Variants in PDGFRB observed in about 807,000 individuals in gnomAD.
The protein encoded by PDGFRB is platelet derived growth factor receptor beta, also known as platelet-derived growth factor receptor beta.
In PDGFRB, 42 loss-of-function variants were observed where a neutral mutation model predicts 120.2. The ratio of observed to expected loss-of-function variants is 0.35; its 90% CI spans 0.27 to 0.45. The LOEUF is 0.45. Ranked by LOEUF, PDGFRB falls within the 20% of genes least tolerant of loss-of-function variation. The probability of loss-of-function intolerance (pLI) is 1.00; values close to 1 mark genes in which losing one functional copy is unlikely to be tolerated. For missense variants in PDGFRB, 1,149 were observed against 1,476.3 expected, an observed-to-expected ratio of 0.78 and a Z score of 3.63; for synonymous variants, 586 against 606.8, an observed-to-expected ratio of 0.97 and a Z score of 0.50.
chr5:150,140,907 C>T (rs1760766473), intron 1 of PDGFRB, among the ~76,000 whole-genome samples: 1 of 152,154 alleles, frequency 6.6e-6, no homozygotes, highest in Non-Finnish European at 1.5e-5. Context: ...TAAATAAATC[C>T]AGCCCATCTT....
chr5:150,125,562 T>C lies in PDGFRB; in HGVS notation c.1690A>G (p.Ile564Val). The C allele has an allele frequency of 1.2e-6, 2 of 1,613,834 alleles. No individual in the cohort carries two copies. The highest frequency in any genetic ancestry group is 1.7e-6 in the Non-Finnish European group (2 of 1,179,858). Residue 564 changes from isoleucine to valine, a missense_variant, in exon 12 of 23, where the codon ATC becomes GTC. By Grantham distance (29) the Ile-to-Val change is conservative. Around this residue, in one of 3 missense-constraint regions of PDGFRB, gnomAD observed 879 missense variants for 1,108.6 expected, o/e 0.79. Coordinates refer to ENST00000261799, the MANE Select transcript of PDGFRB (RefSeq NM_002609.4). ...ACAGACTCAATCACCTTCCATCGGA[T>C]CTCGTAACGTGGCTTCTGGAGGACC... ...MLWQKKPRYEIRWKVIESVSS... is the reference protein window; with the variant it reads ...MLWQKKPRYEVRWKVIESVSS...
In PDGFRB at chr5:150,114,489, C is replaced by T. The variant is rs1005503616; in HGVS notation, c.*1274G>A. 31 of 233,378 alleles carry T rather than the reference C, an allele frequency of 1.3e-4. No individual in the cohort carries two copies. In the East Asian group the frequency reaches 1.6e-3, roughly 12 times the overall value. The allele number at this position is 233,378 out of a possible 1,614,324, so 14.5% of individuals were successfully genotyped here. ...TGCCCAGGATACCCCCGGAGGTCATCGTGGGTAGTGAAAGAGGTCCCGTGG... is the reference window on the plus strand; with the variant it reads ...TGCCCAGGATACCCCCGGAGGTCATTGTGGGTAGTGAAAGAGGTCCCGTGG... On this transcript the variant is annotated 3_prime_UTR_variant, in exon 23 of 23. Coordinates refer to ENST00000261799, the MANE Select transcript of PDGFRB (RefSeq NM_002609.4).
At chr5:150,146,106 C>T (rs1158035757) in intron 1 of PDGFRB, among the ~76,000 whole-genome samples, 2 of 152,168 alleles carry the variant, frequency 1.3e-5, no homozygotes, top group African/African-American at 4.8e-5. Context: ...CATGACAGGG[C>T]TCTCACCACC....
At chr5:150,134,712 T>G in intron 4 of PDGFRB, 38 bp downstream of exon 4, 1 of 1,572,750 alleles carries the variant, frequency 6.4e-7, no homozygotes, top group Non-Finnish European at 8.6e-7. Flanking sequence ...AGGGTTATAC[T>G]TGCCTCTGCT....
At chr5:150,137,138 G>T in intron 1 of PDGFRB, 85 bp from the exon 2 acceptor site, 1 of 1,193,354 alleles carries the variant, frequency 8.4e-7, no homozygotes, top group Non-Finnish European at 1.2e-6. Context: ...TGCAGAATGA[G>T]CCCCAGCTTG....
chr5:150,130,814 C>T (rs1760444820), intron 8 of PDGFRB, 152 bp from the exon 9 acceptor site: 1 of 700,492 alleles, frequency 1.4e-6, no homozygotes. Context: ...AGTGTGAAAA[C>T]CGATGGGTTC....
chr5:150,132,166 G>A lies in PDGFRB; in HGVS notation c.1128-72C>T, dbSNP rs549157721. 7.3e-5 allele frequency: 60 copies of A among 819,320 alleles called. 3 individuals are homozygous for A. The African/African-American group carries it at 9.5e-4, about 13-fold the overall frequency. 50.8% of individuals were successfully genotyped at this position (819,320 alleles called of 1,614,324 possible). A position where few individuals can be genotyped will look rare whatever the true frequency, so the allele number is the denominator to read the frequency against. On this transcript the variant is annotated intron_variant, in intron 7 of 22. Transcript: ENST00000261799. This position sits in a 1 kb window ranked among gnomAD's most constrained non-coding sequence, Gnocchi z 5.0. The stretch of plus-strand genomic sequence containing the variant: ...GTTCTCCCCACCCTCCTGGTATAAA[G>A]AGGAACAAGGCCCAGGGAGGGGAAG...
chr5:150,137,040 A>G lies in PDGFRB; in HGVS notation c.8T>C (p.Leu3Pro), dbSNP rs2113914893. The G allele has an allele frequency of 1.2e-6, 2 of 1,613,700 alleles. No homozygotes were observed. Among genetic ancestry groups the G allele is most frequent in the Non-Finnish European group, 1.7e-6 (2 of 1,179,744 alleles). MR[L>P]PGAMPALALK... Reference sequence around the variant, plus strand: ...GGCCAGAGCTGGCATCGCACCCGGAAGCCGCATGGTGTCCTGCAGAGTTAA... The same window carrying G: ...GGCCAGAGCTGGCATCGCACCCGGAGGCCGCATGGTGTCCTGCAGAGTTAA... Residue 3 changes from leucine (L) to proline (P), a missense_variant, in exon 2 of 23, where the codon CTT becomes CCT. This residue lies in a region of PDGFRB where 879 missense variants were observed against 1,108.6 expected (regional missense o/e 0.79). Coordinates refer to ENST00000261799, the MANE Select transcript of PDGFRB (RefSeq NM_002609.4).
At chr5:150,131,824 C>T (rs927499458) in intron 8 of PDGFRB, among the ~76,000 whole-genome samples, 155 bp downstream of exon 8, 1 of 152,216 alleles carries the variant, frequency 6.6e-6, no homozygotes, top group African/African-American at 2.4e-5. Context: ...AGGCCAGGTT[C>T]ACACGGCAGT....
chr5:150,122,045 G>A lies in PDGFRB; in HGVS notation c.2184-5C>T. On this transcript the variant is annotated splice_region_variant and splice_polypyrimidine_tract_variant and intron_variant, in intron 15 of 22. Coordinates refer to ENST00000261799, the MANE Select transcript of PDGFRB (RefSeq NM_002609.4). ...TCCCCGGTCAAGGACACATGGCTGGGGGTAAAGGAGCATCACAGGAGAGCC... is the reference window on the plus strand; with the variant it reads ...TCCCCGGTCAAGGACACATGGCTGGAGGTAAAGGAGCATCACAGGAGAGCC... The A allele has an allele frequency of 2.5e-6, 4 of 1,612,404 alleles. No individual in the cohort carries two copies. In the South Asian group the frequency reaches 3.3e-5, roughly 13 times the overall value.
chr5:150,124,608 G>T, intron 13 of PDGFRB, 119 bp downstream of exon 13: 1 of 629,950 alleles, frequency 1.6e-6, no homozygotes. Flanking sequence ...CTGCTGCAGT[G>T]TGATGGCCCC....
At position 150,115,689 on chromosome 5, in the gene PDGFRB, G is replaced by A. The variant is rs1759904868; in HGVS notation, c.*74C>T. Reference sequence around the variant, plus strand: ...GGCAGCCTGGCTGACAGGAAGCCCGGTCAGGCCAGGCCAGGAGATGCTGGG... The same window carrying A: ...GGCAGCCTGGCTGACAGGAAGCCCGATCAGGCCAGGCCAGGAGATGCTGGG... On this transcript the variant is annotated 3_prime_UTR_variant, in exon 23 of 23. Coordinates refer to ENST00000261799, the MANE Select transcript of PDGFRB (RefSeq NM_002609.4). 1 of 1,401,884 alleles carries A rather than the reference G, an allele frequency of 7.1e-7. No homozygotes were observed. The highest frequency in any genetic ancestry group is 9.5e-7 in the Non-Finnish European group (1 of 1,049,248). 86.8% of individuals were successfully genotyped at this position (1,401,884 alleles called of 1,614,324 possible).
At chr5:150,131,597 T>C (rs927352793) in intron 8 of PDGFRB, among the ~76,000 whole-genome samples, 4 of 152,164 alleles carry the variant, frequency 2.6e-5, no homozygotes, top group Non-Finnish European at 5.9e-5. Flanking sequence ...TTCCCCTACT[T>C]GGATGCAAGC....
At chr5:150,122,680 G>A (rs1018194880) in intron 15 of PDGFRB, among the ~76,000 whole-genome samples, 5 of 152,250 alleles carry the variant, frequency 3.3e-5, no homozygotes, top group African/African-American at 1.2e-4. Flanking sequence ...GGAGGCTGAT[G>A]TGTAGAGGCT....
chr5:150,155,676 C>T lies in PDGFRB; in HGVS notation c.-286G>A, dbSNP rs1012429629. On this transcript the variant is annotated 5_prime_UTR_variant, in exon 1 of 23. Transcript: ENST00000261799. ...GGAGGAGCAGAGCCGCCAGAGGGGC[C>T]GCCCTGGGTCTGGCTGTCTGCGTTG... 19 of 398,532 alleles carry T rather than the reference C, an allele frequency of 4.8e-5. No individual in the cohort carries two copies. Among genetic ancestry groups the T allele is most frequent in the Non-Finnish European group, 7.5e-5 (17 of 226,112 alleles). The allele number at this position is 398,532 out of a possible 1,614,324, so 24.7% of individuals were successfully genotyped here. A position where few individuals can be genotyped will look rare whatever the true frequency, so the allele number is the denominator to read the frequency against.
At position 150,114,001 on chromosome 5, in the gene PDGFRB, A is replaced by T. The variant is rs562127199; in HGVS notation, c.*1762T>A. 9 of 233,590 alleles carry T rather than the reference A, an allele frequency of 3.9e-5. No homozygotes were observed. The East Asian group carries it at 5.4e-4, about 14-fold the overall frequency. 14.5% of individuals were successfully genotyped at this position (233,590 alleles called of 1,614,324 possible). ...AAACCTAGGTGATTATATCTTTGGT[A>T]CCGTATTGAGAACCCACTCTCCCTC... On this transcript the variant is annotated 3_prime_UTR_variant, in exon 23 of 23. Transcript: ENST00000261799.
chr5:150,117,468 T>C (rs2113882468), intron 22 of PDGFRB, 150 bp downstream of exon 22: 1 of 570,802 alleles, frequency 1.8e-6, no homozygotes, highest in East Asian at 2.9e-5. Flanking sequence ...TTCTGTCTTC[T>C]ATTCATTGGT....
chr5:150,134,902 A>AGT lies in PDGFRB; in HGVS notation c.477_478dup (p.Leu160HisfsTer60). ...TGCAACGTCCCCTTTCTTCTCGTGC[A>AGT]GTGTCACCACCAGCTGTGGGTCTGT... On this transcript the variant is annotated frameshift_variant, in exon 4 of 23. Transcript: ENST00000261799. LOFTEE classifies it high-confidence loss of function. The AGT allele has an allele frequency of 6.2e-7, 1 of 1,614,122 alleles. No individual in the cohort carries two copies. Among genetic ancestry groups the AGT allele is most frequent in the Non-Finnish European group, 8.5e-7 (1 of 1,179,948 alleles).
intron 1 of PDGFRB, among the ~76,000 whole-genome samples, chr5:150,138,692 C>G (rs963844867): frequency 6.6e-6 from 1 of 152,260 alleles, no homozygotes; most frequent in African/African-American, 2.4e-5. Context: ...TCTGCCCCAG[C>G]CCCTCCAGCT....
Sources: gnomAD v4.1 joint callset for allele counts (sites outside exome capture counted in the v4.1 genomes callset) on GRCh38, gnomAD v4.1.1 for gene constraint, gnomAD v4.1.1 regional missense constraint, Gnocchi (gnomAD v3.1) non-coding constraint, MANE v1.5 for transcripts, NCBI Gene and HGNC (gene_info 2026-07-23, HGNC 2026-07-21) for gene names.